Variants in HCFC1R1 observed in about 807,000 individuals in gnomAD.
The protein encoded by HCFC1R1 is host cell factor C1 regulator 1.
HCFC1R1 carries 17 observed loss-of-function variants against 13.3 expected under a neutral mutation model. That is an observed-to-expected ratio of 1.28 (90% CI 0.87 to 1.91). The LOEUF (loss-of-function observed/expected upper bound fraction) is 1.91, where lower values mean the gene tolerates loss of function less well. HCFC1R1 is among the 40% of genes most tolerant of loss of function. The pLI is 0.00. For synonymous variants in HCFC1R1, 87 were observed against 71.1 expected, an observed-to-expected ratio of 1.22 and a Z score of -1.12; for missense variants, 218 against 177.9, an observed-to-expected ratio of 1.23 and a Z score of -1.28.
At chr16:3,024,147 ACTT>A (rs2072714741), upstream of HCFC1R1, 1 of 749,794 alleles carries the variant, frequency 1.3e-6, no homozygotes, top group Admixed American at 2.4e-5. Context: ...GGTGGACACC[ACTT>A]CTTAATGTCG....
Position 3,022,912 on chromosome 16 carries a change from G to C in HCFC1R1, c.368C>G (p.Pro123Arg). Residue 123 changes from proline (P) to arginine (R), a missense_variant, in exon 4 of 4, where the codon CCC (proline) becomes CGC (arginine). Pro to Arg is a moderately radical substitution (Grantham distance 103). Coordinates refer to ENST00000248089, the MANE Select transcript of HCFC1R1 (RefSeq NM_017885.4). ...ALRLLRLGDT[P>R]SPPYPATPAG... ...TGGGGTTGCAGGGTAGGGGGGACTG[G>C]GGGTGTCCCCCAGCCTCAGCAGACG... The C allele has an allele frequency of 3.2e-6, 5 of 1,563,480 alleles. No homozygotes were observed. The highest frequency in any genetic ancestry group is 4.3e-6 in the Non-Finnish European group (5 of 1,164,996).
In HCFC1R1 at chr16:3,023,881, C is replaced by A; in HGVS notation, c.61G>T (p.Ala21Ser). The change falls in exon 1 of 4, where the codon GCC becomes TCC. Residue 21 changes from alanine (A) to serine (S), a missense_variant. By Grantham distance (99) the Ala-to-Ser change is moderately conservative. Transcript: ENST00000248089. ...AGGCCCCAAGTCACCCCCAAGGCGG[C>A]CCGCGGGAGGCGCTGGGCCCCTCCC... ...PQGGAQRLPRAALGVTWGLDA... is the reference protein window; with the variant it reads ...PQGGAQRLPRSALGVTWGLDA... The A allele has an allele frequency of 1.3e-6, 2 of 1,554,178 alleles. No individual in the cohort carries two copies. Among genetic ancestry groups the A allele is most frequent in the Admixed American group, 1.9e-5 (1 of 52,796 alleles).
intron 3 of HCFC1R1, 25 bp downstream of exon 3, chr16:3,023,208 A>C: frequency 2.0e-6 from 3 of 1,536,096 alleles, no homozygotes; most frequent in Non-Finnish European, 2.6e-6. Context: ...ATTCTGCAGA[A>C]GGCCTGGCCA....
chr16:3,024,284 G>A, upstream of HCFC1R1: 2 of 1,613,974 alleles, frequency 1.2e-6, no homozygotes, highest in Non-Finnish European at 1.7e-6. Context: ...GCCTCGTGAG[G>A]TTGCGTCGCG....
rs2072677480 is a variant in HCFC1R1 at position 3,023,499 on chromosome 16, T to C, written c.127A>G (p.Thr43Ala). ...TGCTCCTCCTCCAGGCGCCGCTTGG[T>C]GCTCATGGGCACAGCTCCTCGGAGA... ...SPLRGAVPMS[T>A]KRRLEEEQEP... Residue 43 changes from threonine to alanine, a missense_variant, in exon 2 of 4, where the codon ACC becomes GCC. Coordinates refer to ENST00000248089, the MANE Select transcript of HCFC1R1 (RefSeq NM_017885.4). 1 of 1,611,160 alleles carries C rather than the reference T, an allele frequency of 6.2e-7. No individual in the cohort carries two copies. Among genetic ancestry groups the C allele is most frequent in the Non-Finnish European group, 8.5e-7 (1 of 1,178,520 alleles).
At chr16:3,023,128 C>G in intron 3 of HCFC1R1, 105 bp downstream of exon 3, 1 of 1,506,994 alleles carries the variant, frequency 6.6e-7, no homozygotes, top group Non-Finnish European at 9.0e-7. Context: ...GGAAACAACC[C>G]AGAGGTCAGC....
Position 3,022,678 on chromosome 16 carries a change from T to TTCCCATGCTCCCACCCC in HCFC1R1, c.*168_*184dup, listed in dbSNP as rs1360880398. 1 of 481,314 alleles carries TTCCCATGCTCCCACCCC rather than the reference T, an allele frequency of 2.1e-6. No individual in the cohort carries two copies. Among genetic ancestry groups the TTCCCATGCTCCCACCCC allele is most frequent in the South Asian group, 4.5e-5 (1 of 22,068 alleles). 29.8% of individuals were successfully genotyped at this position (481,314 alleles called of 1,614,324 possible). The stretch of plus-strand genomic sequence containing the variant: ...TCTTCTTGGGGGTGGGATGCCTCCC[T>TTCCCATGCTCCCACCCC]TCCCATGCTCCCACCCCTCCCATCC... On this transcript the variant is annotated 3_prime_UTR_variant, in exon 4 of 4. Transcript: ENST00000248089.
upstream of HCFC1R1, chr16:3,024,085 A>G (rs2072710152): frequency 8.0e-6 from 6 of 754,618 alleles, no homozygotes; most frequent in Non-Finnish European, 8.5e-6. Context: ...GCGTGGCGGA[A>G]GGCAGGCTTG....
In HCFC1R1 at chr16:3,022,696, T is replaced by A; in HGVS notation, c.*167A>T. 9.0e-4 allele frequency: 350 copies of A among 388,902 alleles called. No individual in the cohort carries two copies. Among genetic ancestry groups the A allele is most frequent in the Middle Eastern group, 2.1e-3 (3 of 1,448 alleles). 24.1% of individuals were successfully genotyped at this position (388,902 alleles called of 1,614,324 possible). A position where few individuals can be genotyped will look rare whatever the true frequency, so the allele number is the denominator to read the frequency against. ...GCCTCCCTTCCCATGCTCCCACCCC[T>A]CCCATCCCAGAACTCCGTTGGGCTC... On this transcript the variant is annotated 3_prime_UTR_variant, in exon 4 of 4. Coordinates refer to ENST00000248089, the MANE Select transcript of HCFC1R1 (RefSeq NM_017885.4).
chr16:3,022,898 G>T lies in HCFC1R1; in HGVS notation c.382C>A (p.Pro128Thr). ...RLGDTPSPPY[P>T]ATPAGDIMEL ...ATTATGTCCCCAGCTGGGGTTGCAG[G>T]GTAGGGGGGACTGGGGGTGTCCCCC... The change falls in exon 4 of 4, where the codon CCT (proline) becomes ACT (threonine). Residue 128 changes from proline (P) to threonine (T), a missense_variant. Coordinates refer to ENST00000248089, the MANE Select transcript of HCFC1R1 (RefSeq NM_017885.4). 6.4e-7 allele frequency: 1 copy of T among 1,557,032 alleles called. No homozygotes were observed. The highest frequency in any genetic ancestry group is 1.2e-5 in the South Asian group (1 of 81,552).
upstream of HCFC1R1, chr16:3,024,106 T>C: frequency 2.9e-6 from 2 of 693,262 alleles, no homozygotes; most frequent in South Asian, 3.7e-5. Context: ...CTCCTCGGGG[T>C]GGGGGAGGGT....
chr16:3,023,955 C>A, upstream of HCFC1R1: 1 of 1,538,714 alleles, frequency 6.5e-7, no homozygotes, highest in South Asian at 1.2e-5. Context: ...GTTTTGGGGT[C>A]CTGCGGGTGG....
chr16:3,023,533 G>A lies in HCFC1R1; in HGVS notation c.96-3C>T. ...GCACAGCTCCTCGGAGAGGGGAGCTGGGAAAAAAAGAGAGCCTGGTGCACC... is the reference window on the plus strand; with the variant it reads ...GCACAGCTCCTCGGAGAGGGGAGCTAGGAAAAAAAGAGAGCCTGGTGCACC... On this transcript the variant is annotated splice_region_variant and splice_polypyrimidine_tract_variant and intron_variant, in intron 1 of 3. Transcript: ENST00000248089. The A allele has an allele frequency of 1.3e-6, 2 of 1,576,638 alleles. No individual in the cohort carries two copies. The highest frequency in any genetic ancestry group is 2.7e-5 in the African/African-American group (2 of 73,174).
chr16:3,023,108 A>C (rs1256384152), intron 3 of HCFC1R1, 110 bp from the exon 4 acceptor site: 1 of 1,517,356 alleles, frequency 6.6e-7, no homozygotes, highest in African/African-American at 1.4e-5. Flanking sequence ...CTTTCCAAAG[A>C]GCCAAGATGG....
chr16:3,022,718 G>T lies in HCFC1R1; in HGVS notation c.*145C>A. 3.0e-6 allele frequency: 2 copies of T among 660,686 alleles called. No homozygotes were observed. Among genetic ancestry groups the T allele is most frequent in the Non-Finnish European group, 4.7e-6 (2 of 425,438 alleles). The allele number at this position is 660,686 out of a possible 1,614,324, so 40.9% of individuals were successfully genotyped here. ...CCCTCCCATCCCAGAACTCCGTTGG[G>T]CTCAGTGTCCTCTGTTGAGGGAAGG... On this transcript the variant is annotated 3_prime_UTR_variant, in exon 4 of 4. Transcript: ENST00000248089.
upstream of HCFC1R1, chr16:3,024,107 G>T (rs1032781754): frequency 2.8e-6 from 2 of 712,620 alleles, no homozygotes; most frequent in East Asian, 2.7e-5. Flanking sequence ...TCCTCGGGGT[G>T]GGGGAGGGTA....
At chr16:3,023,966 G>T, upstream of HCFC1R1, 1 of 1,507,592 alleles carries the variant, frequency 6.6e-7, no homozygotes, top group Non-Finnish European at 9.0e-7. Flanking sequence ...CTGCGGGTGG[G>T]ATCTGGGCGA....
chr16:3,023,333 C>T lies in HCFC1R1; in HGVS notation c.181G>A (p.Glu61Lys). The change falls in exon 3 of 4, where the codon GAG becomes AAG. Residue 61 changes from glutamate (E) to lysine (K), a missense_variant. Transcript: ENST00000248089. ...GAGAAGTGGGTGGCCATGTTCTCCT[C>T]AGACAGAAACTGCTTGCGCAGAGGC... ...QEPLRKQFLS[E>K]ENMATHFSQL... 1 of 1,604,696 alleles carries T rather than the reference C, an allele frequency of 6.2e-7. No homozygotes were observed. Among genetic ancestry groups the T allele is most frequent in the Non-Finnish European group, 8.5e-7 (1 of 1,173,776 alleles).
In HCFC1R1 at chr16:3,023,513, G is replaced by A. The variant is rs768166940; in HGVS notation, c.113C>T (p.Ala38Val). Residue 38 changes from alanine (A) to valine (V), a missense_variant, in exon 2 of 4, where the codon GCT (alanine) becomes GTT (valine). Ala to Val is a moderately conservative substitution (Grantham distance 64). Transcript: ENST00000248089. ...GCGCCGCTTGGTGCTCATGGGCACA[G>A]CTCCTCGGAGAGGGGAGCTGGGAAA... ...GLDASSPLRG[A>V]VPMSTKRRLE... The A allele has an allele frequency of 3.1e-6, 5 of 1,598,962 alleles. No individual in the cohort carries two copies. The South Asian group carries it at 3.3e-5, about 11-fold the overall frequency.
Sources: gnomAD v4.1 joint callset for allele counts on GRCh38, gnomAD v4.1.1 for gene constraint, MANE v1.5 for transcripts, NCBI Gene and HGNC (gene_info 2026-07-23, HGNC 2026-07-21) for gene names.